KLF12: variants seen among roughly 807,000 people sequenced by gnomAD.
KLF12 encodes the protein Krueppel-like factor 12.
Under a neutral mutation model 37.8 loss-of-function variants are expected in KLF12, and 9 were observed. The ratio of observed to expected loss-of-function variants is 0.24; its 90% CI spans 0.14 to 0.42. KLF12 has a LOEUF of 0.42. Ranked by LOEUF, KLF12 falls within the 10% of genes least tolerant of loss-of-function variation. KLF12 has a pLI of 1.00. For missense variants in KLF12, 411 were observed against 516.0 expected (o/e 0.80, Z 1.97); for synonymous variants, 208 against 202.1 (o/e 1.03, Z -0.25).
chr13:73,800,338 G>C (rs1882219798), intron 5 of KLF12: 1 of 152,084 alleles, frequency 6.6e-6, no homozygotes, highest in South Asian at 2.1e-4. Context: ...CATGAGTCTA[G>C]TGGGAAGAAG....
At chr13:73,837,713 A>T (rs1380998924) in intron 4 of KLF12, among the ~76,000 whole-genome samples, 1 of 152,208 alleles carries the variant, frequency 6.6e-6, no homozygotes, top group African/African-American at 2.4e-5. Flanking sequence ...ATTTCCCAAT[A>T]AACAACATTA....
At chr13:74,115,271 T>C (rs1001003222) in intron 1 of KLF12, among the ~76,000 whole-genome samples, 5 of 152,192 alleles carry the variant, frequency 3.3e-5, no homozygotes, top group African/African-American at 1.2e-4. Flanking sequence ...ACATAATACA[T>C]TGCCCATAGT....
the KLF12 span, among the ~76,000 whole-genome samples, chr13:74,203,132 G>A: frequency 1.3e-5 from 2 of 152,058 alleles, no homozygotes; most frequent in Non-Finnish European, 2.9e-5. Context: ...ATTAGTTTTG[G>A]AATTTATATC....
At chr13:74,201,138 C>T in the KLF12 span, among the ~76,000 whole-genome samples, 14,572 of 152,116 alleles carry the variant, frequency 0.096, 2,008 homozygotes, top group African/African-American at 0.3. Flanking sequence ...ATGTGTGTGT[C>T]CCAGATCAAA....
At chr13:73,913,309 G>C (rs1473996155) in intron 3 of KLF12, among the ~76,000 whole-genome samples, 1 of 152,194 alleles carries the variant, frequency 6.6e-6, no homozygotes, top group Non-Finnish European at 1.5e-5. Flanking sequence ...CTTCCTTGGA[G>C]AAAATCCTTC....
At chr13:74,022,601 G>A (rs1892869027) in intron 1 of KLF12, among the ~76,000 whole-genome samples, 2 of 150,792 alleles carry the variant, frequency 1.3e-5, no homozygotes, top group South Asian at 4.2e-4. Context: ...TCCTTCATGT[G>A]GGCCCAAGAC....
At chr13:73,805,638 GAGGGAGGGAGGGAGGAAGGA>G (rs1882543335) in intron 5 of KLF12, among the ~76,000 whole-genome samples, 18 of 43,184 alleles carry the variant, frequency 4.2e-4, no homozygotes, top group East Asian at 1.8e-3. Context: ...GGGAGGGAGG[GAGGGAGGGAGGGAGGAAGGA>G]AGGAAGGAAG....
chr13:74,033,523 C>T (rs1240261165), intron 1 of KLF12, among the ~76,000 whole-genome samples: 1 of 152,186 alleles, frequency 6.6e-6, no homozygotes, highest in Non-Finnish European at 1.5e-5. Flanking sequence ...AAGTGTTCAA[C>T]ATGTTACTAT....
chr13:73,932,190 A>G (rs920027088), intron 3 of KLF12, among the ~76,000 whole-genome samples: 8 of 152,192 alleles, frequency 5.3e-5, no homozygotes. Flanking sequence ...TGGCAATGAA[A>G]CTGGAGTTTG....
chr13:73,931,716 T>C (rs1447896331), intron 3 of KLF12, among the ~76,000 whole-genome samples: 1 of 152,188 alleles, frequency 6.6e-6, no homozygotes, highest in Non-Finnish European at 1.5e-5. Context: ...ATGAGTATAA[T>C]GCTGATTGGG....
At chr13:73,983,025 C>G (rs955192617) in intron 2 of KLF12, among the ~76,000 whole-genome samples, 1 of 151,888 alleles carries the variant, frequency 6.6e-6, no homozygotes, top group Admixed American at 6.6e-5. Flanking sequence ...TGCTCTTACT[C>G]ACATTTCATT....
At chr13:73,885,562 G>T (rs1381137790) in intron 3 of KLF12, among the ~76,000 whole-genome samples, 1 of 152,134 alleles carries the variant, frequency 6.6e-6, no homozygotes. Context: ...TTTAAAACAG[G>T]TGGTCACACA....
chr13:73,950,002 G>A (rs947975859), intron 2 of KLF12, among the ~76,000 whole-genome samples: 4 of 151,968 alleles, frequency 2.6e-5, no homozygotes, highest in African/African-American at 4.8e-5. Flanking sequence ...ATTTGTCTTC[G>A]GTTTCAAAAA....
chr13:73,880,343 G>T (rs531031140), intron 3 of KLF12, among the ~76,000 whole-genome samples: 1 of 152,196 alleles, frequency 6.6e-6, no homozygotes, highest in Non-Finnish European at 1.5e-5. Flanking sequence ...CCAGGCTAAC[G>T]AAGAGTTAAA....
intron 2 of KLF12, among the ~76,000 whole-genome samples, chr13:73,968,445 T>A (rs1241473716): frequency 1.3e-5 from 2 of 152,212 alleles, no homozygotes; most frequent in African/African-American, 4.8e-5. Flanking sequence ...TATATTTCCA[T>A]ATGCTTCTAT....
intron 2 of KLF12, among the ~76,000 whole-genome samples, chr13:73,955,386 C>A (rs746294864): frequency 1.3e-5 from 2 of 152,002 alleles, no homozygotes; most frequent in Non-Finnish European, 2.9e-5. Flanking sequence ...CAGGAATTGA[C>A]AGAAAACTAA....
chr13:74,088,475 A>G (rs1303255428), intron 1 of KLF12, among the ~76,000 whole-genome samples: 1 of 152,126 alleles, frequency 6.6e-6, no homozygotes. Context: ...CGATCCGCCC[A>G]CCACAGCTTC....
At chr13:73,732,784 C>T (rs896190170) in intron 6 of KLF12, among the ~76,000 whole-genome samples, 13 of 152,062 alleles carry the variant, frequency 8.5e-5, no homozygotes, top group African/African-American at 2.9e-4. Context: ...GCTCCAGACT[C>T]GTATATCTTT....
chr13:73,686,263 A>G lies in KLF12; in HGVS notation c.*9227T>C, dbSNP rs1183312963. On this transcript the variant is annotated 3_prime_UTR_variant, in exon 8 of 8. Transcript: ENST00000377669. Reference sequence around the variant, plus strand: ...TATGTCTGAGACACCATTAAAAACAATAACACTTGTTCATTTAAATCTCTG... The same window carrying G: ...TATGTCTGAGACACCATTAAAAACAGTAACACTTGTTCATTTAAATCTCTG... 1.3e-5 allele frequency: 2 copies of G among 151,952 alleles called. No homozygotes were observed. Among genetic ancestry groups the G allele is most frequent in the South Asian group, 2.1e-4 (1 of 4,814 alleles). 9.4% of individuals were successfully genotyped at this position (151,952 alleles called of 1,614,324 possible).
Sources: allele counts gnomAD v4.1 joint callset (sites outside exome capture counted in the v4.1 genomes callset), GRCh38; gene constraint gnomAD v4.1.1; transcripts MANE v1.5; gene names NCBI Gene and HGNC (gene_info 2026-07-23, HGNC 2026-07-21).